Variants in SUDS3 observed in about 807,000 individuals in gnomAD.
SUDS3 encodes sin3 histone deacetylase corepressor complex component SDS3.
In SUDS3, 23 loss-of-function variants were observed where a neutral mutation model predicts 53.5. That is an observed-to-expected ratio of 0.43 (90% confidence interval 0.31 to 0.61). SUDS3 has a LOEUF of 0.61. Ranked by LOEUF, SUDS3 falls within the 20% of genes least tolerant of loss-of-function variation. The probability of loss-of-function intolerance (pLI) is 0.10; values close to 1 mark genes in which losing one functional copy is unlikely to be tolerated. For missense variants in SUDS3, 291 were observed against 405.9 expected, an observed-to-expected ratio of 0.72 and a Z score of 2.43; for synonymous variants, 150 against 148.5, an observed-to-expected ratio of 1.01 and a Z score of -0.08.
In SUDS3 at chr12:118,415,503, A is replaced by C. The variant is rs2046392478; in HGVS notation, c.*1070A>C. ...CTGCTGTGGCTGCCTCTGGACTGAC[A>C]CCCTCCCTAATGAGTCCTGATGAAA... On this transcript the variant is annotated 3_prime_UTR_variant, in exon 12 of 12. Coordinates refer to ENST00000543473, the MANE Select transcript of SUDS3 (RefSeq NM_022491.3). The C allele has an allele frequency of 6.6e-6, 1 of 151,888 alleles. No individual in the cohort carries two copies. Among genetic ancestry groups the C allele is most frequent in the East Asian group, 1.9e-4 (1 of 5,182 alleles). 9.4% of individuals were successfully genotyped at this position (151,888 alleles called of 1,614,324 possible). A position where few individuals can be genotyped will look rare whatever the true frequency, so the allele number is the denominator to read the frequency against.
chr12:118,413,804 C>A (rs2046378219), intron 11 of SUDS3, among the ~76,000 whole-genome samples: 1 of 152,110 alleles, frequency 6.6e-6, no homozygotes, highest in Admixed American at 6.5e-5. Flanking sequence ...TTCTCATGAT[C>A]CTAATTGGGC....
chr12:118,397,252 G>A (rs1161396687), intron 6 of SUDS3, among the ~76,000 whole-genome samples: 1 of 152,112 alleles, frequency 6.6e-6, no homozygotes, highest in African/African-American at 2.4e-5. Context: ...CCCAGGGTCT[G>A]AGCTTCAGTT....
intron 10 of SUDS3, among the ~76,000 whole-genome samples, chr12:118,410,094 T>C (rs909155982): frequency 6.6e-6 from 1 of 152,256 alleles, no homozygotes; most frequent in Non-Finnish European, 1.5e-5. Flanking sequence ...CAGGTGTGGT[T>C]ATTTAATGTT....
At chr12:118,388,900 G>A (rs2046139336) in intron 4 of SUDS3, among the ~76,000 whole-genome samples, 1 of 152,194 alleles carries the variant, frequency 6.6e-6, no homozygotes, top group Non-Finnish European at 1.5e-5. Context: ...TGTAATCCCA[G>A]CACTCTGGGA....
Position 118,391,177 on chromosome 12 carries a change from G to T in SUDS3, c.412G>T (p.Glu138Ter). Residue 138 changes from glutamate to a stop codon, truncating the protein, a stop_gained, in exon 6 of 12, where the codon GAA becomes TAA. Transcript: ENST00000543473. LOFTEE classifies it high-confidence loss of function. ...YIKEKKAAVK[E>*]FEDKKVELKE... ...TAAAGAAAAGAAGGCAGCAGTGAAA[G>T]AATTTGAAGACAAGAAGGTTGAGCT... The T allele has an allele frequency of 6.2e-7, 1 of 1,613,824 alleles. No individual in the cohort carries two copies. The highest frequency in any genetic ancestry group is 1.1e-5 in the South Asian group (1 of 91,058).
intron 1 of SUDS3, among the ~76,000 whole-genome samples, chr12:118,377,173 C>T (rs1414638048): frequency 1.3e-5 from 2 of 151,970 alleles, no homozygotes; most frequent in Non-Finnish European, 2.9e-5. Flanking sequence ...GAGTGTAGTT[C>T]GCCCCTTTTT....
intron 6 of SUDS3, among the ~76,000 whole-genome samples, chr12:118,397,660 T>C (rs952136932): frequency 6.6e-6 from 1 of 152,160 alleles, no homozygotes; most frequent in African/African-American, 2.4e-5. Flanking sequence ...GTCTCTTCCT[T>C]CTGCAAAGCA....
At chr12:118,410,686 T>TC (rs1566211408) in intron 10 of SUDS3, among the ~76,000 whole-genome samples, 1 of 152,020 alleles carries the variant, frequency 6.6e-6, no homozygotes, top group Non-Finnish European at 1.5e-5. Flanking sequence ...AAGCTCCGCC[T>TC]CCCGGGTTCA....
chr12:118,377,869 TG>T (rs1482059842), intron 1 of SUDS3, among the ~76,000 whole-genome samples: 10 of 152,220 alleles, frequency 6.6e-5, no homozygotes, highest in African/African-American at 2.4e-4. Context: ...CCAAGTAATG[TG>T]GCTGACCATG....
chr12:118,414,983 G>A lies in SUDS3; in HGVS notation c.*550G>A, dbSNP rs1411845155. On this transcript the variant is annotated 3_prime_UTR_variant, in exon 12 of 12. Coordinates refer to ENST00000543473, the MANE Select transcript of SUDS3 (RefSeq NM_022491.3). Reference sequence around the variant, plus strand: ...TCTCGGCCTTCTCAGAGAAATAAATGCTTTGTGTAACATCTGTGCACACCA... The same window carrying A: ...TCTCGGCCTTCTCAGAGAAATAAATACTTTGTGTAACATCTGTGCACACCA... 1 of 152,312 alleles carries A rather than the reference G, an allele frequency of 6.6e-6. No homozygotes were observed. The highest frequency in any genetic ancestry group is 1.5e-5 in the Non-Finnish European group (1 of 68,164). The allele number at this position is 152,312 out of a possible 1,614,324, so 9.4% of individuals were successfully genotyped here.
chr12:118,409,414 G>A (rs1288687450), intron 10 of SUDS3, among the ~76,000 whole-genome samples: 1 of 152,088 alleles, frequency 6.6e-6, no homozygotes, highest in African/African-American at 2.4e-5. Context: ...CAAAGTGCTG[G>A]GATTACAGGC....
intron 6 of SUDS3, among the ~76,000 whole-genome samples, 154 bp downstream of exon 6, chr12:118,391,436 G>T (rs2046167080): frequency 6.6e-6 from 1 of 152,118 alleles, no homozygotes; most frequent in Non-Finnish European, 1.5e-5. Flanking sequence ...ACCTTCTATT[G>T]GCTGTGTGAC....
At chr12:118,414,100 TGA>T (rs2141397681) in intron 11 of SUDS3, among the ~76,000 whole-genome samples, 1 of 152,292 alleles carries the variant, frequency 6.6e-6, no homozygotes, top group Admixed American at 6.5e-5. Context: ...ATCACAGGTG[TGA>T]GAGAGATGGC....
rs1415665360 is a variant in SUDS3, at chr12:118,417,995, G to A, written c.*3562G>A. ...AATCAAGTGAATAGAATGGATCTTG[G>A]GTGGAAAAACAATCTTGAAATAAAC... On this transcript the variant is annotated 3_prime_UTR_variant, in exon 12 of 12. Coordinates refer to ENST00000543473, the MANE Select transcript of SUDS3 (RefSeq NM_022491.3). 2 of 152,124 alleles carry A rather than the reference G, an allele frequency of 1.3e-5. No homozygotes were observed. Among genetic ancestry groups the A allele is most frequent in the Non-Finnish European group, 2.9e-5 (2 of 68,022 alleles). The allele number at this position is 152,124 out of a possible 1,614,324, so 9.4% of individuals were successfully genotyped here. A position where few individuals can be genotyped will look rare whatever the true frequency, so the allele number is the denominator to read the frequency against.
chr12:118,401,610 T>A (rs915779814), intron 7 of SUDS3, 149 bp from the exon 8 acceptor site: 9 of 667,436 alleles, frequency 1.3e-5, no homozygotes, highest in Non-Finnish European at 2.4e-5. Flanking sequence ...AGTAGGAGAA[T>A]CATAAATTTC....
rs2046407890 is a variant in SUDS3, at chr12:118,417,138, AGCC to A, written c.*2706_*2708del. 6.6e-6 allele frequency: 1 copy of A among 151,622 alleles called. No individual in the cohort carries two copies. The highest frequency in any genetic ancestry group is 2.4e-5 in the African/African-American group (1 of 41,192). The allele number at this position is 151,622 out of a possible 1,614,324, so 9.4% of individuals were successfully genotyped here. On this transcript the variant is annotated 3_prime_UTR_variant, in exon 12 of 12. Coordinates refer to ENST00000543473, the MANE Select transcript of SUDS3 (RefSeq NM_022491.3). Reference sequence around the variant, plus strand: ...GAATAATTTCCAGATGGATTTCTGTAGCCATACCAAAGCCAGGGTGTTTTCATT... The same window carrying A: ...GAATAATTTCCAGATGGATTTCTGTAATACCAAAGCCAGGGTGTTTTCATT...
chr12:118,383,925 C>T lies in SUDS3; in HGVS notation c.213-87C>T, dbSNP rs911797474. 4.8e-6 allele frequency: 6 copies of T among 1,256,466 alleles called. No individual in the cohort carries two copies. In the African/African-American group the frequency reaches 6.0e-5, roughly 13 times the overall value. The allele number at this position is 1,256,466 out of a possible 1,614,324, so 77.8% of individuals were successfully genotyped here. On this transcript the variant is annotated intron_variant, in intron 2 of 11. Transcript: ENST00000543473. ...AAGGACATTAATGACCTTCCCATAA[C>T]AGCCCAGCTAATTTCTGTGAGTAGG...
intron 2 of SUDS3, among the ~76,000 whole-genome samples, chr12:118,381,422 G>T (rs996977126): frequency 6.6e-6 from 1 of 151,808 alleles, no homozygotes; most frequent in African/African-American, 2.4e-5. Flanking sequence ...TCGCTTTGTT[G>T]CCCAGGCTGG....
At chr12:118,395,540 T>C (rs2046207221) in intron 6 of SUDS3, among the ~76,000 whole-genome samples, 1 of 151,988 alleles carries the variant, frequency 6.6e-6, no homozygotes, top group Non-Finnish European at 1.5e-5. Context: ...TCAGGTCTTT[T>C]AATGTGCTTG....
Sources: allele counts gnomAD v4.1 joint callset (sites outside exome capture counted in the v4.1 genomes callset), GRCh38; gene constraint gnomAD v4.1.1; transcripts MANE v1.5; gene names NCBI Gene and HGNC (gene_info 2026-07-23, HGNC 2026-07-21).